The following HADHB variants were observed in gnomAD, a reference collection of about 807,000 sequenced individuals.
HADHB encodes hydroxyacyl-CoA dehydrogenase trifunctional multienzyme complex subunit beta, also known as trifunctional enzyme subunit beta, mitochondrial.
A neutral mutation model predicts 61.9 loss-of-function variants in HADHB; 50 were observed. The ratio of observed to expected loss-of-function variants is 0.81; its 90% CI spans 0.64 to 1.02. The LOEUF (loss-of-function observed/expected upper bound fraction) is 1.02, where lower values mean the gene tolerates loss of function less well. Among genes scored for constraint, HADHB ranks in the 50% least tolerant of loss-of-function variants. HADHB has a pLI of 0.00. For synonymous variants in HADHB, 191 were observed against 201.6 expected (o/e 0.95, Z 0.45); for missense variants, 504 against 586.5 (o/e 0.86, Z 1.45).
rs371100088 is a variant in HADHB at position 26,278,652 on chromosome 2, G to A, written c.481G>A (p.Val161Met). Residue 161 changes from valine to methionine, a missense_variant, in exon 8 of 16, where the codon GTG becomes ATG. By Grantham distance (21) the Val-to-Met change is conservative. Coordinates refer to ENST00000317799, the MANE Select transcript of HADHB (RefSeq NM_000183.3). ...LIASGQCDVI[V>M]AGGVELMSDV... ...TGCTTCTGGCCAGTGTGATGTGATC[G>A]TGGCAGGTGGTGTTGAGTTGATGTC... The A allele has an allele frequency of 1.1e-5, 18 of 1,614,178 alleles. No homozygotes were observed. Among genetic ancestry groups the A allele is most frequent in the Admixed American group, 6.7e-5 (4 of 60,022 alleles).
At chr2:26,256,694 G>A (rs1475488986) in intron 3 of HADHB, among the ~76,000 whole-genome samples, 2 of 152,158 alleles carry the variant, frequency 1.3e-5, no homozygotes, top group Admixed American at 6.5e-5. Flanking sequence ...AGGTCATCTA[G>A]TTCAGCTCTA....
intron 10 of HADHB, 91 bp downstream of exon 10, chr2:26,280,206 T>C (rs1672728644): frequency 1.0e-6 from 1 of 982,816 alleles, no homozygotes; most frequent in Non-Finnish European, 1.6e-6. Flanking sequence ...GTGTGTGTTA[T>C]GAATAGAGGG....
At chr2:26,266,169 G>T (rs1208481008) in intron 4 of HADHB, among the ~76,000 whole-genome samples, 1 of 152,136 alleles carries the variant, frequency 6.6e-6, no homozygotes, top group African/African-American at 2.4e-5. Context: ...GGGAGGCTGG[G>T]GCGGGAGGAT....
intron 1 of HADHB, among the ~76,000 whole-genome samples, chr2:26,253,869 T>TA (rs1558341603): frequency 1.9e-4 from 25 of 132,016 alleles, no homozygotes; most frequent in African/African-American, 6.4e-4. Flanking sequence ...AATAAATAAA[T>TA]AAATAAATAA....
At chr2:26,275,706 A>C (rs966449415) in intron 6 of HADHB, among the ~76,000 whole-genome samples, 1 of 152,266 alleles carries the variant, frequency 6.6e-6, no homozygotes, top group African/African-American at 2.4e-5. Flanking sequence ...TTCTCAACAA[A>C]GCAGGTTGGG....
At chr2:26,283,307 G>A (rs1203919484) in intron 12 of HADHB, among the ~76,000 whole-genome samples, 4 of 152,110 alleles carry the variant, frequency 2.6e-5, no homozygotes, top group African/African-American at 9.7e-5. Context: ...GGCAGACCAC[G>A]AGGTCAGGAG....
chr2:26,276,209 T>C (rs781766372), intron 6 of HADHB, among the ~76,000 whole-genome samples: 17 of 152,246 alleles, frequency 1.1e-4, no homozygotes, highest in Non-Finnish European at 4.4e-5. Flanking sequence ...TGTTTGACTT[T>C]CACTGTGCCA....
intron 4 of HADHB, among the ~76,000 whole-genome samples, chr2:26,267,375 A>T (rs1043571718): frequency 6.6e-6 from 1 of 152,188 alleles, no homozygotes; most frequent in Non-Finnish European, 1.5e-5. Flanking sequence ...TGTCAAAAAG[A>T]CACAGGTCTG....
At chr2:26,286,833 A>G (rs1159335947) in intron 15 of HADHB, among the ~76,000 whole-genome samples, 5 of 140,940 alleles carry the variant, frequency 3.5e-5, no homozygotes, top group Non-Finnish European at 6.1e-5. Flanking sequence ...TTTTTTTTTA[A>G]TCCCGATGTG....
rs193011761 is a variant in HADHB, at chr2:26,263,538, T to C, written c.209+59T>C. On this transcript the variant is annotated intron_variant, in intron 4 of 15. Transcript: ENST00000317799. Reference sequence around the variant, plus strand: ...TCTTTTAAGACACTTTCAAAAGTAGTCTTTGTAAATGTAACCCAGTAGGTA... The same window carrying C: ...TCTTTTAAGACACTTTCAAAAGTAGCCTTTGTAAATGTAACCCAGTAGGTA... 462 of 1,047,370 alleles carry C rather than the reference T, an allele frequency of 4.4e-4. 2 individuals are homozygous for C. The African/African-American group carries it at 5.9e-3, about 13-fold the overall frequency. 64.9% of individuals were successfully genotyped at this position (1,047,370 alleles called of 1,614,324 possible).
chr2:26,246,148 G>A (rs1379031095), intron 1 of HADHB, among the ~76,000 whole-genome samples: 1 of 152,160 alleles, frequency 6.6e-6, no homozygotes, highest in Non-Finnish European at 1.5e-5. Flanking sequence ...ATCTTACAAG[G>A]TTTTTACAGT....
At chr2:26,260,293 G>T (rs1403983092) in intron 3 of HADHB, among the ~76,000 whole-genome samples, 1 of 152,008 alleles carries the variant, frequency 6.6e-6, no homozygotes, top group African/African-American at 2.4e-5. Context: ...TGTTGGCCAG[G>T]CTGGTCTTGA....
At chr2:26,261,006 A>G in intron 3 of HADHB, 2 of 1,519,632 alleles carry the variant, frequency 1.3e-6, no homozygotes, top group Non-Finnish European at 1.8e-6. Flanking sequence ...AACACAGTTG[A>G]TCACTTGTAG....
intron 4 of HADHB, among the ~76,000 whole-genome samples, chr2:26,263,884 TA>T (rs759756642): frequency 6.6e-6 from 1 of 152,050 alleles, no homozygotes; most frequent in Non-Finnish European, 1.5e-5. Context: ...TGGAAATTAT[TA>T]AAATTGGAGT....
chr2:26,271,068 T>C (rs1672323896), intron 5 of HADHB, among the ~76,000 whole-genome samples: 1 of 150,514 alleles, frequency 6.6e-6, no homozygotes, highest in African/African-American at 2.4e-5. Flanking sequence ...TTTTTTTTTT[T>C]GTATTTTTAG....
At chr2:26,277,927 C>T (rs1332040786) in intron 7 of HADHB, among the ~76,000 whole-genome samples, 1 of 152,268 alleles carries the variant, frequency 6.6e-6, no homozygotes. Context: ...TTTCTCCTTA[C>T]ATCCTTGTCA....
rs759326002 is a variant in HADHB, at chr2:26,280,738, G to A, written c.933+623G>A. Among the ~76,000 whole-genome samples, 272 of 151,478 alleles carry A rather than the reference G, an allele frequency of 1.8e-3. 3 individuals are homozygous for A. Among genetic ancestry groups the A allele is most frequent in the Non-Finnish European group, 5.9e-4 (40 of 67,870 alleles). Reference sequence around the variant, plus strand: ...GTGGTGGCACATGCCTGTTAATCCCGGCTACTCGGGAGGCTGAGGCAAGAG... The same window carrying A: ...GTGGTGGCACATGCCTGTTAATCCCAGCTACTCGGGAGGCTGAGGCAAGAG... On this transcript the variant is annotated intron_variant, in intron 10 of 15. Transcript: ENST00000317799.
At chr2:26,246,976 G>A (rs1047198350) in intron 1 of HADHB, among the ~76,000 whole-genome samples, 6 of 152,188 alleles carry the variant, frequency 3.9e-5, no homozygotes, top group Non-Finnish European at 5.9e-5. Flanking sequence ...GCGCGTGCGC[G>A]TCCTATGTGG....
At chr2:26,267,771 CAA>C (rs772133699) in intron 4 of HADHB, among the ~76,000 whole-genome samples, 18 of 67,432 alleles carry the variant, frequency 2.7e-4, no homozygotes, top group Admixed American at 6.8e-4. Context: ...GACTCTGTCT[CAA>C]AAAAAAAAAA....
Sources: allele counts gnomAD v4.1 joint callset (sites outside exome capture counted in the v4.1 genomes callset), GRCh38; gene constraint gnomAD v4.1.1; transcripts MANE v1.5; gene names NCBI Gene and HGNC (gene_info 2026-07-23, HGNC 2026-07-21).